ZIM2: variants seen among roughly 807,000 people sequenced by gnomAD.
ZIM2 encodes zinc finger protein 656.
In ZIM2, 14 loss-of-function variants were observed where a neutral mutation model predicts 38.6. The observed-to-expected ratio is 0.36, with a 90% CI of 0.24 to 0.57. The LOEUF (loss-of-function observed/expected upper bound fraction) is 0.57, where lower values mean the gene tolerates loss of function less well. ZIM2 is among the 20% of genes least tolerant of loss of function. The pLI, the probability that ZIM2 is intolerant of heterozygous loss-of-function variation, is 0.81. For synonymous variants in ZIM2, 247 were observed against 245.8 expected (o/e 1.00, Z -0.04); for missense variants, 680 against 695.1 (o/e 0.98, Z 0.24).
Position 56,817,020 on chromosome 19 carries a change from A to G in ZIM2, c.490+726T>C, listed in dbSNP as rs1021775767. 8.1e-6 allele frequency: 13 copies of G among 1,614,018 alleles called. No individual in the cohort carries two copies. The African/African-American group carries it at 1.7e-4, about 22-fold the overall frequency. ...CATACTCATAGAGGTTCTCTCTAGT[A>G]TGCATGATCTGGTGCTCAACAAATT... On this transcript the variant is annotated intron_variant, in intron 9 of 12. Coordinates refer to ENST00000629319, the MANE Select transcript of ZIM2 (RefSeq NM_001387356.1).
At chr19:56,815,260 T>C in intron 9 of ZIM2, 1 of 1,614,252 alleles carries the variant, frequency 6.2e-7, no homozygotes, top group Non-Finnish European at 8.5e-7. Flanking sequence ...TTGAGACTCC[T>C]CGCCATGAGA....
At chr19:56,816,500 T>C in intron 9 of ZIM2, 2 of 1,613,200 alleles carry the variant, frequency 1.2e-6, no homozygotes, top group South Asian at 1.1e-5. Flanking sequence ...CTAGTATGGA[T>C]TTTCTGATGT....
At chr19:56,812,243 AC>A (rs2059590440) in intron 9 of ZIM2, 1 of 977,842 alleles carries the variant, frequency 1.0e-6, no homozygotes, top group Non-Finnish European at 1.2e-6. Flanking sequence ...AGAATAGGAC[AC>A]AAGAAACCTC....
At chr19:56,787,256 TGTCTATTAAAAATCTTTTTTG>T (rs1340921256) in intron 10 of ZIM2, among the ~76,000 whole-genome samples, 1 of 152,190 alleles carries the variant, frequency 6.6e-6, no homozygotes, top group African/African-American at 2.4e-5. Context: ...TTTTGTTATG[TGTCTATTAAAAATCTTTTTTG>T]GTTTTGTTTT....
chr19:56,790,642 CTGTTA>C (rs746542228), intron 9 of ZIM2, among the ~76,000 whole-genome samples: 112 of 152,340 alleles, frequency 7.4e-4, no homozygotes, highest in Non-Finnish European at 1.3e-3. Flanking sequence ...TGCTAACCTA[CTGTTA>C]TAATTGTTCC....
chr19:56,813,857 T>C, intron 9 of ZIM2: 1 of 1,614,238 alleles, frequency 6.2e-7, no homozygotes, highest in Non-Finnish European at 8.5e-7. Context: ...ATGATCATGC[T>C]GGCATGAGTT....
intron 9 of ZIM2, among the ~76,000 whole-genome samples, chr19:56,790,806 G>C (rs1165399596): frequency 3.3e-5 from 5 of 152,144 alleles, no homozygotes; most frequent in African/African-American, 1.2e-4. Flanking sequence ...CAGATAAGGG[G>C]AGTATACTAT....
intron 7 of ZIM2, 43 bp from the exon 8 acceptor site, chr19:56,818,745 C>T (rs1439618398): frequency 1.2e-6 from 2 of 1,600,532 alleles, no homozygotes; most frequent in Middle Eastern, 1.7e-4. Context: ...TCTGTCCCCA[C>T]CGATGTTCAA....
chr19:56,834,188 G>T (rs1174126190), intron 2 of ZIM2, among the ~76,000 whole-genome samples: 1 of 152,082 alleles, frequency 6.6e-6, no homozygotes, highest in African/African-American at 2.4e-5. Context: ...GTACTAAAAA[G>T]TAGGCCACAA....
In ZIM2 at chr19:56,794,531, T is replaced by G. The variant is rs562895115; in HGVS notation, c.491-4580A>C. 2.6e-5 allele frequency among the ~76,000 whole-genome samples: 4 copies of G among 152,364 alleles called. No individual in the cohort carries two copies. The South Asian group carries it at 8.3e-4, about 32-fold the overall frequency. On this transcript the variant is annotated intron_variant, in intron 9 of 12. Coordinates refer to ENST00000629319, the MANE Select transcript of ZIM2 (RefSeq NM_001387356.1). ...AATGAACATCACTGAAACTAAGTAT[T>G]TGCTCCCAAATTACATAGACAAAAG... is the stretch of plus-strand genomic sequence containing the variant.
intron 9 of ZIM2, chr19:56,817,354 T>C (rs1251386040): frequency 6.2e-7 from 1 of 1,614,030 alleles, no homozygotes; most frequent in Non-Finnish European, 8.5e-7. Flanking sequence ...ATAAACCCGC[T>C]GCTGGATCAC....
chr19:56,822,076 C>T (rs916906889), intron 6 of ZIM2, among the ~76,000 whole-genome samples: 1 of 152,154 alleles, frequency 6.6e-6, no homozygotes, highest in Non-Finnish European at 1.5e-5. Flanking sequence ...CTGGGTCTCC[C>T]CAGCTGCAAT....
At chr19:56,840,432 A>T (rs2062878742) in intron 1 of ZIM2, 150 bp downstream of exon 1, 1 of 152,266 alleles carries the variant, frequency 6.6e-6, no homozygotes, top group Non-Finnish European at 1.5e-5. Context: ...GCGGCCAAGT[A>T]CCATGTCCGC....
chr19:56,811,478 G>A (rs1465549898), intron 9 of ZIM2: 1 of 975,824 alleles, frequency 1.0e-6, no homozygotes. Flanking sequence ...GTTGCATTAA[G>A]TGTCCACAGA....
intron 9 of ZIM2, chr19:56,812,677 C>T (rs2059616167): frequency 3.0e-6 from 3 of 985,232 alleles, no homozygotes; most frequent in South Asian, 4.7e-5. Context: ...AGAGCCTCTC[C>T]TACGGTTCTC....
intron 7 of ZIM2, among the ~76,000 whole-genome samples, chr19:56,820,156 G>A (rs1341413374): frequency 2.6e-5 from 4 of 152,232 alleles, no homozygotes; most frequent in Admixed American, 6.5e-5. Context: ...CTGCAATCAA[G>A]TTCAATGGAA....
At chr19:56,782,710 T>G (rs2046387323) in intron 10 of ZIM2, among the ~76,000 whole-genome samples, 2 of 152,136 alleles carry the variant, frequency 1.3e-5, no homozygotes, top group South Asian at 4.1e-4. Context: ...CAGAAATTCT[T>G]TTTTTAATTT....
At chr19:56,795,476 T>TCACGCCCTGGCCTGGCTGAACGTCTC (rs2047159415) in intron 9 of ZIM2, among the ~76,000 whole-genome samples, 2 of 152,324 alleles carry the variant, frequency 1.3e-5, no homozygotes, top group South Asian at 2.1e-4. Flanking sequence ...CTCGCACGCC[T>TCACGCCCTGGCCTGGCTGAACGTCTC]CACGCCCTGG....
chr19:56,819,404 C>T (rs2060271380), intron 7 of ZIM2, among the ~76,000 whole-genome samples: 1 of 152,134 alleles, frequency 6.6e-6, no homozygotes, highest in Admixed American at 6.5e-5. Flanking sequence ...TTTTAAAATT[C>T]CTCACATTAC....
Sources: gnomAD v4.1 joint callset for allele counts (sites outside exome capture counted in the v4.1 genomes callset) on GRCh38, gnomAD v4.1.1 for gene constraint, MANE v1.5 for transcripts, NCBI Gene and HGNC (gene_info 2026-07-23, HGNC 2026-07-21) for gene names.